The following ATP6V1A variants were observed in gnomAD, a reference collection of about 807,000 sequenced individuals.
ATP6V1A encodes the protein ATPase H+ transporting V1 subunit A, also known as V-type proton ATPase catalytic subunit A.
ATP6V1A carries 18 observed loss-of-function variants against 70.1 expected under a neutral mutation model. The observed-to-expected ratio is 0.26, with a 90% confidence interval of 0.18 to 0.38. The LOEUF (loss-of-function observed/expected upper bound fraction) is 0.38, where lower values mean the gene tolerates loss of function less well. Ranked by LOEUF, ATP6V1A falls within the 10% of genes least tolerant of loss-of-function variation. The pLI, the probability that ATP6V1A is intolerant of heterozygous loss-of-function variation, is 1.00. For synonymous variants in ATP6V1A, 232 were observed against 253.8 expected (o/e 0.91, Z 0.82); for missense variants, 424 against 772.4 (o/e 0.55, Z 5.35).
chr3:113,785,956 G>A (rs1709035456), intron 5 of ATP6V1A, among the ~76,000 whole-genome samples: 2 of 142,186 alleles, frequency 1.4e-5, no homozygotes, highest in Non-Finnish European at 3.0e-5. Context: ...TCCTGCCTCA[G>A]TTTTCTGAGA....
At chr3:113,808,730 T>G (rs1709307117) in intron 14 of ATP6V1A, among the ~76,000 whole-genome samples, 1 of 152,228 alleles carries the variant, frequency 6.6e-6, no homozygotes, top group African/African-American at 2.4e-5. Context: ...CATGTTCATC[T>G]AATATATGAA....
rs772900430 is a variant in ATP6V1A at position 113,784,856 on chromosome 3, C to T, written c.564+23C>T. The T allele has an allele frequency of 1.9e-6, 3 of 1,610,682 alleles. No homozygotes were observed. In the Admixed American group the frequency reaches 5.0e-5, roughly 27 times the overall value. ...TCTGTAAGTATCATTTGAACTTTAT[C>T]CTGCAGAGTGCCTCTATTTCTATAT... is the stretch of plus-strand genomic sequence containing the variant. On this transcript the variant is annotated intron_variant, in intron 5 of 14. Coordinates refer to ENST00000273398, the MANE Select transcript of ATP6V1A (RefSeq NM_001690.4).
At chr3:113,791,553 G>C (rs771091364) in intron 8 of ATP6V1A, among the ~76,000 whole-genome samples, 1 of 152,070 alleles carries the variant, frequency 6.6e-6, no homozygotes, top group Admixed American at 6.6e-5. Flanking sequence ...CTTTGTAGGA[G>C]ATGAGAGGGC....
At position 113,786,419 on chromosome 3, in the gene ATP6V1A, A is replaced by G. The variant is rs745357241; in HGVS notation, c.716+36A>G. The G allele has an allele frequency of 8.1e-6, 13 of 1,606,264 alleles. No individual in the cohort carries two copies. In the South Asian group the frequency reaches 1.3e-4, roughly 16 times the overall value. Reference sequence around the variant, plus strand: ...GATGTGTCCCACGATTTTCCCTCAGAGTTATTATATGTGCTTATGTTTTTA... The same window carrying G: ...GATGTGTCCCACGATTTTCCCTCAGGGTTATTATATGTGCTTATGTTTTTA... On this transcript the variant is annotated intron_variant, in intron 6 of 14. Transcript: ENST00000273398.
chr3:113,780,643 A>C (rs1708967785), intron 2 of ATP6V1A: 2 of 743,356 alleles, frequency 2.7e-6, no homozygotes, highest in Non-Finnish European at 3.9e-6. Flanking sequence ...AGCACAGCGA[A>C]GTGATAATTG....
At chr3:113,807,989 G>A (rs1286342809) in intron 14 of ATP6V1A, among the ~76,000 whole-genome samples, 1 of 151,964 alleles carries the variant, frequency 6.6e-6, no homozygotes, top group Non-Finnish European at 1.5e-5. Flanking sequence ...AATTAGCTGG[G>A]CGTGATGGTG....
At chr3:113,796,407 A>G (rs1391457073) in intron 11 of ATP6V1A, among the ~76,000 whole-genome samples, 2 of 152,168 alleles carry the variant, frequency 1.3e-5, no homozygotes, top group African/African-American at 4.8e-5. Context: ...TAGCTGACAC[A>G]AGGGAGCTGG....
chr3:113,781,281 G>A lies in ATP6V1A; in HGVS notation c.211+103G>A, dbSNP rs553380206. Reference sequence around the variant, plus strand: ...ACAAAGTAATCCCAGCACTTTGGGAGGCAGGCAGGTGGATCACCTGAGGTC... The same window carrying A: ...ACAAAGTAATCCCAGCACTTTGGGAAGCAGGCAGGTGGATCACCTGAGGTC... On this transcript the variant is annotated intron_variant, in intron 3 of 14. Transcript: ENST00000273398. 5.3e-6 allele frequency: 7 copies of A among 1,318,570 alleles called. No individual in the cohort carries two copies. The East Asian group carries it at 9.1e-5, about 17-fold the overall frequency. The allele number at this position is 1,318,570 out of a possible 1,614,324, so 81.7% of individuals were successfully genotyped here.
chr3:113,751,114 A>G (rs1241834864), intron 1 of ATP6V1A, among the ~76,000 whole-genome samples: 1 of 152,142 alleles, frequency 6.6e-6, no homozygotes, highest in Non-Finnish European at 1.5e-5. Context: ...TTATAGAAGT[A>G]TATTAAAATT....
chr3:113,798,272 T>G lies in ATP6V1A; in HGVS notation c.1320T>G (p.Ala440=). The change falls in exon 12 of 15, where the codon GCT becomes GCG. Residue 440 remains alanine (A), a synonymous_variant. Transcript: ENST00000273398. ...TCTGGGGCTTAGATAAGAAACTAGCTCAACGTAAGCATTTCCCCTCTGTCA... is the reference window on the plus strand; with the variant it reads ...TCTGGGGCTTAGATAAGAAACTAGCGCAACGTAAGCATTTCCCCTCTGTCA... ...QVFWGLDKKL[A]QRKHFPSVNW... is the part of the protein sequence containing the mutation. 1 of 1,613,860 alleles carries G rather than the reference T, an allele frequency of 6.2e-7. No homozygotes were observed. Among genetic ancestry groups the G allele is most frequent in the Non-Finnish European group, 8.5e-7 (1 of 1,180,002 alleles).
chr3:113,799,826 C>G (rs1709189901), intron 12 of ATP6V1A, among the ~76,000 whole-genome samples: 2 of 152,154 alleles, frequency 1.3e-5, no homozygotes, highest in South Asian at 2.1e-4. Context: ...AGGAACTAAC[C>G]AGAAATATAT....
At chr3:113,788,960 C>G in intron 7 of ATP6V1A, 85 bp downstream of exon 7, 1 of 1,211,790 alleles carries the variant, frequency 8.3e-7, no homozygotes, top group Non-Finnish European at 1.2e-6. Context: ...TGTGTTGGGT[C>G]TGGAGCAATG....
At chr3:113,753,588 A>T (rs1708613615) in intron 1 of ATP6V1A, among the ~76,000 whole-genome samples, 1 of 152,274 alleles carries the variant, frequency 6.6e-6, no homozygotes, top group South Asian at 2.1e-4. Flanking sequence ...ATTATGGCCG[A>T]GGCATTTTAT....
At chr3:113,789,708 C>G (rs1709071918) in intron 7 of ATP6V1A, 24 bp from the exon 8 acceptor site, 2 of 1,514,210 alleles carry the variant, frequency 1.3e-6, no homozygotes, top group Non-Finnish European at 1.8e-6. Context: ...ATTGGAGATT[C>G]ACTAATATAT....
intron 3 of ATP6V1A, among the ~76,000 whole-genome samples, chr3:113,782,973 A>G (rs934579553): frequency 2.0e-5 from 3 of 152,196 alleles, no homozygotes; most frequent in Non-Finnish European, 2.9e-5. Context: ...TGTGATAAAT[A>G]TAGTAAAATG....
intron 8 of ATP6V1A, among the ~76,000 whole-genome samples, chr3:113,793,248 A>G (rs1403496110): frequency 6.6e-6 from 1 of 152,080 alleles, no homozygotes; most frequent in Non-Finnish European, 1.5e-5. Flanking sequence ...TTTTTAGTAG[A>G]GATGGGGTTT....
rs370636292 is a variant in ATP6V1A, at chr3:113,798,138, CAAAA to C, written c.1291-98_1291-95del. 2.8e-5 allele frequency: 32 copies of C among 1,161,222 alleles called. No individual in the cohort carries two copies. The African/African-American group carries it at 4.7e-4, about 17-fold the overall frequency. 71.9% of individuals were successfully genotyped at this position (1,161,222 alleles called of 1,614,324 possible). On this transcript the variant is annotated intron_variant, in intron 11 of 14. Coordinates refer to ENST00000273398, the MANE Select transcript of ATP6V1A (RefSeq NM_001690.4). The stretch of plus-strand genomic sequence containing the variant: ...ACAGAGCAAGCCTCTGTCTCAAAAA[CAAAA>C]AAAAAAGAATTGCATAGTTGGGACA...
intron 1 of ATP6V1A, among the ~76,000 whole-genome samples, chr3:113,749,392 T>C (rs898600006): frequency 1.3e-5 from 2 of 152,126 alleles, no homozygotes; most frequent in African/African-American, 4.8e-5. Context: ...TATTAGGGAA[T>C]TGTGCTATAG....
At chr3:113,779,935 A>G (rs894976142) in intron 2 of ATP6V1A, among the ~76,000 whole-genome samples, 6 of 152,296 alleles carry the variant, frequency 3.9e-5, no homozygotes, top group African/African-American at 1.4e-4. Context: ...TACATGTGCC[A>G]TGGTGGCTTG....
Sources: allele counts gnomAD v4.1 joint callset (sites outside exome capture counted in the v4.1 genomes callset), GRCh38; gene constraint gnomAD v4.1.1; transcripts MANE v1.5; gene names NCBI Gene and HGNC (gene_info 2026-07-23, HGNC 2026-07-21).